Variants in SLC5A1 observed in about 807,000 individuals in gnomAD.
SLC5A1 encodes the protein sodium/glucose cotransporter 1.
In SLC5A1, 42 loss-of-function variants were observed where a neutral mutation model predicts 73.5. The observed-to-expected ratio is 0.57, with a 90% CI of 0.45 to 0.74. The LOEUF (loss-of-function observed/expected upper bound fraction) is 0.74, where lower values mean the gene tolerates loss of function less well. Ranked by LOEUF, SLC5A1 falls within the 30% of genes least tolerant of loss-of-function variation. The probability of loss-of-function intolerance (pLI) is 0.00; values close to 1 mark genes in which losing one functional copy is unlikely to be tolerated. For synonymous variants in SLC5A1, 300 were observed against 317.4 expected (o/e 0.95, Z 0.58); for missense variants, 634 against 855.4 (o/e 0.74, Z 3.23).
In SLC5A1 at chr22:32,061,106, G is replaced by T. The variant is rs147968371; in HGVS notation, c.208-5829G>T. ...GGTTCGAGAGACAGATGCAATTCCT[G>T]CCAGCTTCTGACTTCTAACATTAAT... On this transcript the variant is annotated intron_variant, in intron 2 of 14. Coordinates refer to ENST00000266088, the MANE Select transcript of SLC5A1 (RefSeq NM_000343.4). Among the ~76,000 whole-genome samples the T allele has an allele frequency of 2.0e-5, 3 of 152,224 alleles. No individual in the cohort carries two copies. The East Asian group carries it at 5.8e-4, about 29-fold the overall frequency.
At chr22:32,095,077 C>A (rs1206990356) in intron 11 of SLC5A1, among the ~76,000 whole-genome samples, 1 of 152,108 alleles carries the variant, frequency 6.6e-6, no homozygotes, top group African/African-American at 2.4e-5. Flanking sequence ...TTTAAAATTT[C>A]CATCTTGATT....
At chr22:32,065,772 CT>C (rs1603114420) in intron 2 of SLC5A1, among the ~76,000 whole-genome samples, 1 of 152,332 alleles carries the variant, frequency 6.6e-6, no homozygotes, top group East Asian at 1.9e-4. Flanking sequence ...TCCCTCTCCC[CT>C]GACTTAATAT....
chr22:32,075,300 G>A (rs533749197), intron 5 of SLC5A1, among the ~76,000 whole-genome samples: 9 of 152,160 alleles, frequency 5.9e-5, no homozygotes, highest in African/African-American at 1.9e-4. Context: ...CAGCTAGTAC[G>A]TGGCAAAGCC....
At position 32,068,550 on chromosome 22, in the gene SLC5A1, G is replaced by T; in HGVS notation, c.427G>T (p.Val143Phe). The change falls in exon 5 of 15, where the codon GTC becomes TTC. Residue 143 changes from valine to phenylalanine, a missense_variant. Around this residue, in one of 3 missense-constraint regions of SLC5A1, gnomAD observed 422 missense variants for 626.1 expected, o/e 0.67. Transcript: ENST00000266088. ...GCGGTTTGGAGGCCAGCGGATCCAG[G>T]TCTACCTTTCCCTTCTGTCCCTGCT... ...RKRFGGQRIQVYLSLLSLLLY... is the reference protein window; with the variant it reads ...RKRFGGQRIQFYLSLLSLLLY... 6.2e-7 allele frequency: 1 copy of T among 1,613,972 alleles called. No individual in the cohort carries two copies. The highest frequency in any genetic ancestry group is 8.5e-7 in the Non-Finnish European group (1 of 1,179,990).
intron 12 of SLC5A1, 93 bp downstream of exon 12, chr22:32,099,444 C>T (rs1322392452): frequency 8.1e-7 from 1 of 1,230,630 alleles, no homozygotes; most frequent in Non-Finnish European, 1.2e-6. Flanking sequence ...ATTCTATTTC[C>T]CAGAGATCTT....
At chr22:32,098,783 T>C (rs952029282) in intron 11 of SLC5A1, among the ~76,000 whole-genome samples, 3 of 152,126 alleles carry the variant, frequency 2.0e-5, no homozygotes, top group East Asian at 1.9e-4. Flanking sequence ...GTATAATACA[T>C]AGCAATATAT....
chr22:32,062,868 A>T (rs1208127725), intron 2 of SLC5A1, among the ~76,000 whole-genome samples: 9 of 152,226 alleles, frequency 5.9e-5, no homozygotes, highest in Non-Finnish European at 1.0e-4. Flanking sequence ...TAGTTGGCTC[A>T]GGCTGCCACA....
At chr22:32,069,554 A>G (rs2093979510) in intron 5 of SLC5A1, among the ~76,000 whole-genome samples, 1 of 152,326 alleles carries the variant, frequency 6.6e-6, no homozygotes, top group Middle Eastern at 3.4e-3. Context: ...TTTCACCACA[A>G]AAAAGATAAG....
chr22:32,103,098 T>A (rs1347873511), intron 13 of SLC5A1, among the ~76,000 whole-genome samples: 1 of 152,204 alleles, frequency 6.6e-6, no homozygotes, highest in Non-Finnish European at 1.5e-5. Context: ...AGTAGTAGAA[T>A]TGCTGGATCA....
intron 8 of SLC5A1, 78 bp downstream of exon 8, chr22:32,084,737 A>C (rs924685032): frequency 6.6e-7 from 1 of 1,524,754 alleles, no homozygotes; most frequent in Non-Finnish European, 9.1e-7. Context: ...TGTGGTTTGC[A>C]GGGTTGGGAC....
At chr22:32,060,976 G>A (rs1207263240) in intron 2 of SLC5A1, among the ~76,000 whole-genome samples, 1 of 152,046 alleles carries the variant, frequency 6.6e-6, no homozygotes, top group African/African-American at 2.4e-5. Flanking sequence ...TACACTCTAG[G>A]GCAGGCTTCT....
intron 11 of SLC5A1, among the ~76,000 whole-genome samples, chr22:32,094,649 G>T (rs1388807956): frequency 6.6e-6 from 1 of 152,054 alleles, no homozygotes; most frequent in Non-Finnish European, 1.5e-5. Flanking sequence ...TAGTAGCCTT[G>T]AATTATCTTT....
rs74928243 is a variant in SLC5A1 at position 32,043,694 on chromosome 22, C to T, written c.135+278C>T. ...AAGGAAGGTGGGGGTTTGAAGAGACCGCTGGAAAGTGTAAGGGGCAGGAAA... is the reference window on the plus strand; with the variant it reads ...AAGGAAGGTGGGGGTTTGAAGAGACTGCTGGAAAGTGTAAGGGGCAGGAAA... On this transcript the variant is annotated intron_variant, in intron 1 of 14. Coordinates refer to ENST00000266088, the MANE Select transcript of SLC5A1 (RefSeq NM_000343.4). This position sits in a 1 kb window ranked among gnomAD's most constrained non-coding sequence, Gnocchi z 6.5. Among the ~76,000 whole-genome samples, 6,839 of 152,186 alleles carry T rather than the reference C, an allele frequency of 0.045. 207 individuals are homozygous for T. Among genetic ancestry groups the T allele is most frequent in the Non-Finnish European group, 0.071 (4,794 of 67,998 alleles).
rs749327015 is a variant in SLC5A1 at position 32,084,565 on chromosome 22, AC to A, written c.792del (p.His264GlnfsTer47). The A allele has an allele frequency of 6.2e-7, 1 of 1,614,214 alleles. No individual in the cohort carries two copies. Among genetic ancestry groups the A allele is most frequent in the African/African-American group, 1.3e-5 (1 of 75,060 alleles). On this transcript the variant is annotated frameshift_variant, in exon 8 of 15. Coordinates refer to ENST00000266088, the MANE Select transcript of SLC5A1 (RefSeq NM_000343.4). LOFTEE classifies it high-confidence loss of function. ...KCYTPRADSFHIFRDPLTGDL... is the reference protein window; with the variant it reads ...KCYTPRADSFXIFRDPLTGDL... Reference sequence around the variant, plus strand: ...TACACTCCAAGGGCCGACTCCTTCCACATCTTCCGAGATCCCCTCACGGGAG... The same window carrying A: ...TACACTCCAAGGGCCGACTCCTTCCAATCTTCCGAGATCCCCTCACGGGAG...
intron 8 of SLC5A1, 89 bp from the exon 9 acceptor site, chr22:32,084,811 C>T: frequency 6.3e-7 from 1 of 1,584,772 alleles, no homozygotes. Context: ...AGTGCCAGGC[C>T]AATGACCCAA....
intron 12 of SLC5A1, among the ~76,000 whole-genome samples, chr22:32,100,582 AT>A (rs2094034627): frequency 6.6e-6 from 1 of 152,042 alleles, no homozygotes; most frequent in South Asian, 2.1e-4. Context: ...TTCGTGGCAA[AT>A]TTATTGATTT....
chr22:32,060,205 T>C (rs924765248), intron 2 of SLC5A1, among the ~76,000 whole-genome samples: 1 of 149,568 alleles, frequency 6.7e-6, no homozygotes. Context: ...ATATATTTTT[T>C]TAAGAGATGG....
chr22:32,092,691 A>G (rs969812285), intron 11 of SLC5A1, among the ~76,000 whole-genome samples: 1 of 152,082 alleles, frequency 6.6e-6, no homozygotes, highest in Non-Finnish European at 1.5e-5. Flanking sequence ...AATTTTTTGT[A>G]GATTCTGGAT....
At position 32,102,018 on chromosome 22, in the gene SLC5A1, A is replaced by T; in HGVS notation, c.1450-4A>T. 1 of 1,612,374 alleles carries T rather than the reference A, an allele frequency of 6.2e-7. No homozygotes were observed. Among genetic ancestry groups the T allele is most frequent in the Non-Finnish European group, 8.5e-7 (1 of 1,178,428 alleles). On this transcript the variant is annotated splice_region_variant and splice_polypyrimidine_tract_variant and intron_variant, in intron 12 of 14. Coordinates refer to ENST00000266088, the MANE Select transcript of SLC5A1 (RefSeq NM_000343.4). ...ATGAGTTAACCCAGGGTTTTCTTTC[A>T]CAGGGAGCCTTTTGGGGACTGATCC... is the stretch of plus-strand genomic sequence containing the variant.
Sources: allele counts gnomAD v4.1 joint callset (sites outside exome capture counted in the v4.1 genomes callset), GRCh38; gene constraint gnomAD v4.1.1; regional missense constraint gnomAD v4.1.1; non-coding constraint Gnocchi (gnomAD v3.1); transcripts MANE v1.5; gene names NCBI Gene and HGNC (gene_info 2026-07-23, HGNC 2026-07-21).